Variants in C8orf89 observed in about 807,000 individuals in gnomAD.
The protein encoded by C8orf89 is putative uncharacterized protein C8orf89.
In C8orf89, 14 loss-of-function variants were observed where a neutral mutation model predicts 15.8. The observed-to-expected ratio is 0.89, with a 90% CI of 0.59 to 1.39. C8orf89 has a LOEUF of 1.39. Among genes scored for constraint, C8orf89 ranks in the 40% most tolerant of loss-of-function variants. C8orf89 has a pLI of 0.00. For synonymous variants in C8orf89, 55 were observed against 62.2 expected (o/e 0.88, Z 0.54); for missense variants, 181 against 184.5 (o/e 0.98, Z 0.11).
chr8:73,249,222 T>C (rs1485563550), intron 3 of C8orf89, among the ~76,000 whole-genome samples: 2 of 152,218 alleles, frequency 1.3e-5, no homozygotes, highest in African/African-American at 4.8e-5. Context: ...ATGAATTGCC[T>C]TATTGATTTG....
rs1258099285 is a variant in C8orf89, at chr8:73,257,057, T to G, written c.197A>C (p.Gln66Pro). 1.3e-6 allele frequency: 2 copies of G among 1,535,710 alleles called. No homozygotes were observed. The highest frequency in any genetic ancestry group is 2.7e-5 in the African/African-American group (2 of 73,024). ...CIKMPYLPGL[Q>P]SCQKSVSSTP... is the part of the protein sequence containing the mutation. Reference sequence around the variant, plus strand: ...TGAACTTACACTTTTTTGGCAACTTTGCAGTCCTGGTAAATATGGCATTTT... The same window carrying G: ...TGAACTTACACTTTTTTGGCAACTTGGCAGTCCTGGTAAATATGGCATTTT... The change falls in exon 2 of 4, where the codon CAA becomes CCA. Residue 66 changes from glutamine (Q) to proline (P), a missense_variant. Transcript: ENST00000624510.
chr8:73,281,785 C>T, the C8orf89 span, among the ~76,000 whole-genome samples: 2 of 152,172 alleles, frequency 1.3e-5, no homozygotes, highest in Non-Finnish European at 1.5e-5. Flanking sequence ...CAGAGAATAG[C>T]GTTTGTTCTA....
chr8:73,253,002 G>C lies in C8orf89; in HGVS notation c.282-2679C>G, dbSNP rs561235427. 9.2e-5 allele frequency among the ~76,000 whole-genome samples: 14 copies of C among 152,306 alleles called. No individual in the cohort carries two copies. The East Asian group carries it at 2.5e-3, about 27-fold the overall frequency. On this transcript the variant is annotated intron_variant, in intron 2 of 3. Coordinates refer to ENST00000624510, the MANE Select transcript of C8orf89 (RefSeq NM_001243237.3). ...TAAAAAAATACAAAAAGTTAGCCGG[G>C]CGTGGTGGCGGGCGCCTGTAGTCCC... is the stretch of plus-strand genomic sequence containing the variant.
the C8orf89 span, among the ~76,000 whole-genome samples, chr8:73,273,130 G>A: frequency 2.5e-4 from 38 of 152,228 alleles, no homozygotes; most frequent in African/African-American, 8.9e-4. Context: ...TGCAGTGGGG[G>A]AGGTGCAGCC....
At chr8:73,275,443 G>A in the C8orf89 span, among the ~76,000 whole-genome samples, 10 of 151,682 alleles carry the variant, frequency 6.6e-5, no homozygotes, top group Non-Finnish European at 7.4e-5. Context: ...TCACCATGTC[G>A]GCCAGGCGGG....
the C8orf89 span, among the ~76,000 whole-genome samples, chr8:73,266,656 A>G: frequency 6.6e-6 from 1 of 152,190 alleles, no homozygotes; most frequent in African/African-American, 2.4e-5. Context: ...GATCAATAAG[A>G]TTAAGTGAAA....
At chr8:73,282,020 T>C in the C8orf89 span, among the ~76,000 whole-genome samples, 1 of 152,254 alleles carries the variant, frequency 6.6e-6, no homozygotes, top group Non-Finnish European at 1.5e-5. Flanking sequence ...CTTGAAATTG[T>C]TATGTGAGCA....
At chr8:73,266,965 G>A in the C8orf89 span, among the ~76,000 whole-genome samples, 7 of 152,130 alleles carry the variant, frequency 4.6e-5, no homozygotes, top group African/African-American at 1.2e-4. Context: ...AAAGACAACT[G>A]CAATCATGGC....
upstream of C8orf89, among the ~76,000 whole-genome samples, chr8:73,262,792 G>A (rs986692484): frequency 1.2e-4 from 18 of 148,128 alleles, no homozygotes; most frequent in African/African-American, 4.5e-4. Context: ...ATTCTAGCTT[G>A]GGCAACAGAG....
chr8:73,253,653 TC>T (rs746675825), intron 2 of C8orf89, among the ~76,000 whole-genome samples: 14 of 151,764 alleles, frequency 9.2e-5, no homozygotes, highest in Admixed American at 4.6e-4. Flanking sequence ...GTCCTTCACG[TC>T]CCTTATAAGT....
At chr8:73,249,444 A>G (rs1813199841) in intron 3 of C8orf89, among the ~76,000 whole-genome samples, 3 of 152,162 alleles carry the variant, frequency 2.0e-5, no homozygotes. Context: ...AGAATGAGTT[A>G]CAGAGGAATA....
chr8:73,280,756 T>TATAC, the C8orf89 span, among the ~76,000 whole-genome samples: 13 of 140,078 alleles, frequency 9.3e-5, no homozygotes, highest in African/African-American at 2.2e-4. Context: ...CACACACACA[T>TATAC]ATACATACAT....
intron 3 of C8orf89, among the ~76,000 whole-genome samples, chr8:73,242,543 C>T (rs1199947730): frequency 6.6e-6 from 1 of 152,154 alleles, no homozygotes; most frequent in Non-Finnish European, 1.5e-5. Context: ...AAACAGCAAA[C>T]AGGCATATGA....
chr8:73,278,020 G>A, the C8orf89 span: 1 of 553,534 alleles, frequency 1.8e-6, no homozygotes, highest in South Asian at 1.7e-5. Flanking sequence ...CCATGGTGAG[G>A]AAACTTGGGT....
intron 3 of C8orf89, among the ~76,000 whole-genome samples, chr8:73,242,356 C>T (rs904171420): frequency 2.6e-5 from 4 of 152,102 alleles, no homozygotes; most frequent in African/African-American, 9.7e-5. Context: ...CGTCTATAAT[C>T]CCAGCACTTT....
chr8:73,265,575 G>A, the C8orf89 span, among the ~76,000 whole-genome samples: 1 of 152,040 alleles, frequency 6.6e-6, no homozygotes, highest in African/African-American at 2.4e-5. Flanking sequence ...GCTGGGCAAT[G>A]ACACAGAGGT....
At chr8:73,250,370 G>T in intron 2 of C8orf89, 47 bp from the exon 3 acceptor site, 1 of 1,130,076 alleles carries the variant, frequency 8.8e-7, no homozygotes, top group Non-Finnish European at 1.3e-6. Flanking sequence ...TAAATTCAGG[G>T]CACAATGAAA....
the C8orf89 span, among the ~76,000 whole-genome samples, chr8:73,284,819 TAAC>T: frequency 2.6e-5 from 4 of 152,166 alleles, no homozygotes; most frequent in African/African-American, 9.7e-5. Context: ...ACAATGTACA[TAAC>T]AAGTCAATAA....
At chr8:73,281,317 A>C in the C8orf89 span, among the ~76,000 whole-genome samples, 2 of 152,174 alleles carry the variant, frequency 1.3e-5, no homozygotes, top group Admixed American at 1.3e-4. Flanking sequence ...TTATAATAGA[A>C]AAGAGAATGA....
Sources: gnomAD v4.1 joint callset for allele counts (sites outside exome capture counted in the v4.1 genomes callset) on GRCh38, gnomAD v4.1.1 for gene constraint, MANE v1.5 for transcripts, NCBI Gene and HGNC (gene_info 2026-07-23, HGNC 2026-07-21) for gene names.